INPP4B: variants seen among roughly 807,000 people sequenced by gnomAD.
INPP4B encodes the protein inositol polyphosphate-4-phosphatase type II B, also known as inositol polyphosphate 4-phosphatase type II.
In INPP4B, 55 loss-of-function variants were observed where a neutral mutation model predicts 122.5. The ratio of observed to expected loss-of-function variants is 0.45; its 90% CI spans 0.36 to 0.56. The LOEUF is 0.56. Ranked by LOEUF, INPP4B falls within the 20% of genes least tolerant of loss-of-function variation. The probability of loss-of-function intolerance (pLI) is 0.00; values close to 1 mark genes in which losing one functional copy is unlikely to be tolerated. For synonymous variants in INPP4B, 403 were observed against 388.7 expected (o/e 1.04, Z -0.43); for missense variants, 1,000 against 1,097.7 (o/e 0.91, Z 1.26).
At chr4:142,756,046 GT>G (rs1381075386) in intron 1 of INPP4B, among the ~76,000 whole-genome samples, 1 of 152,034 alleles carries the variant, frequency 6.6e-6, no homozygotes, top group Non-Finnish European at 1.5e-5. Flanking sequence ...ATCATAATTT[GT>G]CCAGATCCTC....
At chr4:142,613,121 C>T (rs1176771940) in intron 2 of INPP4B, among the ~76,000 whole-genome samples, 1 of 152,072 alleles carries the variant, frequency 6.6e-6, no homozygotes, top group Non-Finnish European at 1.5e-5. Flanking sequence ...ATGTTGAGAA[C>T]AGACATTCAA....
chr4:142,371,338 G>C (rs1297354957), intron 7 of INPP4B, among the ~76,000 whole-genome samples: 1 of 151,980 alleles, frequency 6.6e-6, no homozygotes, highest in African/African-American at 2.4e-5. Context: ...AAAACACAGG[G>C]GAAACACTTC....
intron 2 of INPP4B, among the ~76,000 whole-genome samples, chr4:142,545,695 A>ATG (rs765668846): frequency 1.7e-5 from 2 of 119,694 alleles, no homozygotes; most frequent in Non-Finnish European, 1.7e-5. Context: ...ACACATATAT[A>ATG]TGTGTATATA....
chr4:142,705,206 G>C (rs1762310797), intron 2 of INPP4B, among the ~76,000 whole-genome samples: 1 of 152,008 alleles, frequency 6.6e-6, no homozygotes, highest in African/African-American at 2.4e-5. Flanking sequence ...GATTAGATGG[G>C]AACCTTGATG....
At chr4:142,663,679 A>G (rs1161743724) in intron 2 of INPP4B, among the ~76,000 whole-genome samples, 4 of 118,198 alleles carry the variant, frequency 3.4e-5, no homozygotes, top group Non-Finnish European at 6.1e-5. Context: ...TTAATAGACC[A>G]TTTATTTTTC....
intron 2 of INPP4B, among the ~76,000 whole-genome samples, chr4:142,591,038 G>C (rs1234856057): frequency 2.6e-5 from 4 of 152,114 alleles, no homozygotes; most frequent in African/African-American, 9.7e-5. Context: ...ACTCAGGCCA[G>C]GCCTGGTGGC....
intron 11 of INPP4B, among the ~76,000 whole-genome samples, chr4:142,253,771 C>G (rs1384611862): frequency 6.6e-6 from 1 of 152,156 alleles, no homozygotes; most frequent in East Asian, 1.9e-4. Context: ...GGCAGTGAGG[C>G]TGGGGGAGGG....
At chr4:142,806,578 C>CA (rs1336801050) in intron 1 of INPP4B, among the ~76,000 whole-genome samples, 1 of 150,128 alleles carries the variant, frequency 6.7e-6, no homozygotes, top group Non-Finnish European at 1.5e-5. Flanking sequence ...CCCATCTCTA[C>CA]AAAAAAATAC....
chr4:142,231,521 T>C (rs944793907), intron 12 of INPP4B, among the ~76,000 whole-genome samples: 1 of 152,240 alleles, frequency 6.6e-6, no homozygotes, highest in Non-Finnish European at 1.5e-5. Flanking sequence ...TAATATCTTG[T>C]TTGTAATATA....
In INPP4B at chr4:142,493,258, G is replaced by A. The variant is rs1822107160; in HGVS notation, c.-190-30532C>T. On this transcript the variant is annotated intron_variant, in intron 2 of 25. Coordinates refer to ENST00000262992, the MANE Select transcript of INPP4B (RefSeq NM_001101669.3). ...TCATGGAGAACCTCTGCTAGGGCATGGAGAACCCCTGTGGAAGGGAAATGT... is the reference window on the plus strand; with the variant it reads ...TCATGGAGAACCTCTGCTAGGGCATAGAGAACCCCTGTGGAAGGGAAATGT... Among the ~76,000 whole-genome samples, 4 of 152,192 alleles carry A rather than the reference G, an allele frequency of 2.6e-5. No individual in the cohort carries two copies. In the South Asian group the frequency reaches 8.3e-4, roughly 31 times the overall value.
intron 12 of INPP4B, among the ~76,000 whole-genome samples, chr4:142,227,589 G>A (rs1348510218): frequency 2.0e-5 from 3 of 151,912 alleles, no homozygotes; most frequent in Non-Finnish European, 1.5e-5. Context: ...GGCCAGGCAT[G>A]GTAACTCACA....
intron 3 of INPP4B, among the ~76,000 whole-genome samples, chr4:142,436,037 C>A (rs952291841): frequency 6.6e-6 from 1 of 152,218 alleles, no homozygotes; most frequent in Non-Finnish European, 1.5e-5. Flanking sequence ...GCAGCTATCA[C>A]TGAAGCTCCA....
chr4:142,451,494 G>T (rs1814212302), intron 3 of INPP4B, among the ~76,000 whole-genome samples: 1 of 151,880 alleles, frequency 6.6e-6, no homozygotes, highest in South Asian at 2.1e-4. Context: ...CAAGTGATCT[G>T]CCTGCCTCAG....
intron 18 of INPP4B, among the ~76,000 whole-genome samples, chr4:142,143,670 C>T (rs1427735119): frequency 6.6e-6 from 1 of 152,016 alleles, no homozygotes; most frequent in Non-Finnish European, 1.5e-5. Context: ...GAGGGGGCAA[C>T]TCTTCCTTAC....
chr4:142,429,705 A>G (rs1055787366), intron 4 of INPP4B, among the ~76,000 whole-genome samples: 83 of 152,190 alleles, frequency 5.5e-4, no homozygotes, highest in Non-Finnish European at 1.5e-4. Flanking sequence ...TAATTTATTA[A>G]TAGCTCAAAC....
intron 1 of INPP4B, among the ~76,000 whole-genome samples, chr4:142,822,621 C>A (rs1580997430): frequency 6.6e-6 from 1 of 152,244 alleles, no homozygotes; most frequent in East Asian, 1.9e-4. Context: ...ATCTACACCA[C>A]CCCGACTCCA....
intron 9 of INPP4B, among the ~76,000 whole-genome samples, chr4:142,277,558 A>C (rs549947367): frequency 1.4e-4 from 22 of 151,932 alleles, no homozygotes; most frequent in Non-Finnish European, 2.7e-4. Flanking sequence ...ATAACTCACT[A>C]TAAGAAAGAT....
At chr4:142,825,082 CT>C (rs1252419130) in intron 1 of INPP4B, among the ~76,000 whole-genome samples, 2 of 152,066 alleles carry the variant, frequency 1.3e-5, no homozygotes, top group Admixed American at 6.6e-5. Context: ...ACATGTCAGA[CT>C]TTTTTAGTAA....
At chr4:142,105,970 G>A (rs1227027892) in intron 23 of INPP4B, among the ~76,000 whole-genome samples, 1 of 152,006 alleles carries the variant, frequency 6.6e-6, no homozygotes, top group African/African-American at 2.4e-5. Flanking sequence ...ATCATTCTTT[G>A]GCTTGCAATA....
Sources: gnomAD v4.1 joint callset for allele counts (sites outside exome capture counted in the v4.1 genomes callset) on GRCh38, gnomAD v4.1.1 for gene constraint, MANE v1.5 for transcripts, NCBI Gene and HGNC (gene_info 2026-07-23, HGNC 2026-07-21) for gene names.